The following HSD11B1 variants were observed in gnomAD, a reference collection of about 807,000 sequenced individuals.
HSD11B1 encodes 11-beta-hydroxysteroid dehydrogenase 1.
Under a neutral mutation model 22.1 loss-of-function variants are expected in HSD11B1, and 15 were observed. The ratio of observed to expected loss-of-function variants is 0.68; its 90% CI spans 0.45 to 1.04. The LOEUF (loss-of-function observed/expected upper bound fraction) is 1.04. Ranked by LOEUF, HSD11B1 falls within the 50% of genes least tolerant of loss-of-function variation. The pLI is 0.00. For missense variants in HSD11B1, 281 were observed against 357.6 expected, an observed-to-expected ratio of 0.79 and a Z score of 1.73; for synonymous variants, 122 against 125.2, an observed-to-expected ratio of 0.97 and a Z score of 0.17.
At chr1:209,694,505 A>C (rs138651693) in intron 1 of HSD11B1, among the ~76,000 whole-genome samples, 6 of 152,344 alleles carry the variant, frequency 3.9e-5, no homozygotes, top group Non-Finnish European at 7.4e-5. Context: ...CAGTACCTGA[A>C]TGATAAGGAA....
chr1:209,714,957 A>C (rs781038214), intron 4 of HSD11B1, among the ~76,000 whole-genome samples: 2 of 152,172 alleles, frequency 1.3e-5, no homozygotes, highest in Non-Finnish European at 2.9e-5. Flanking sequence ...GGCACCTGGC[A>C]CAGGGCATCA....
intron 4 of HSD11B1, among the ~76,000 whole-genome samples, chr1:209,708,531 C>G (rs894367406): frequency 6.6e-6 from 1 of 152,142 alleles, no homozygotes; most frequent in Non-Finnish European, 1.5e-5. Flanking sequence ...CAGACACAGA[C>G]TCTCTCTGGG....
intron 1 of HSD11B1, among the ~76,000 whole-genome samples, chr1:209,686,963 A>G (rs1376144755): frequency 7.2e-5 from 11 of 152,190 alleles, no homozygotes; most frequent in Admixed American, 7.2e-4. Context: ...TGAGCCCTAA[A>G]CGGGCCTTTT....
chr1:209,716,211 T>C (rs1383112036), intron 4 of HSD11B1, among the ~76,000 whole-genome samples: 1 of 151,978 alleles, frequency 6.6e-6, no homozygotes, highest in African/African-American at 2.4e-5. Context: ...AAAACTCTTA[T>C]AACTGATAAA....
intron 1 of HSD11B1, among the ~76,000 whole-genome samples, chr1:209,698,054 G>C (rs1421077515): frequency 2.6e-5 from 4 of 151,626 alleles, no homozygotes; most frequent in Admixed American, 1.3e-4. Flanking sequence ...GTGTAAGTAT[G>C]TTCCTTTCAA....
intron 4 of HSD11B1, among the ~76,000 whole-genome samples, chr1:209,715,660 A>G (rs1269002132): frequency 1.3e-5 from 2 of 152,264 alleles, no homozygotes; most frequent in African/African-American, 4.8e-5. Context: ...ACCCATTGCA[A>G]CAATAGGAAA....
intron 1 of HSD11B1, among the ~76,000 whole-genome samples, chr1:209,693,035 A>T (rs1471836683): frequency 1.3e-5 from 2 of 152,128 alleles, no homozygotes; most frequent in Non-Finnish European, 2.9e-5. Context: ...TGGACTGCTG[A>T]CGGCATTGCC....
rs767846488 is a variant in HSD11B1, at chr1:209,704,917, G to A, written c.-26G>A. On this transcript the variant is annotated 5_prime_UTR_variant, in exon 1 of 6. Coordinates refer to ENST00000367027, the MANE Select transcript of HSD11B1 (RefSeq NM_005525.4). ...TAGGTTCTCTCTGTGTGTCCTACAG[G>A]AGTCTTCAGGCCAGCTCCCTGTCGG... The A allele has an allele frequency of 1.9e-6, 3 of 1,579,196 alleles. No homozygotes were observed. Among genetic ancestry groups the A allele is most frequent in the Admixed American group, 1.7e-5 (1 of 59,962 alleles).
In HSD11B1 at chr1:209,720,361, A is replaced by G. The variant is rs576203467; in HGVS notation, c.518-12075A>G. Among the ~76,000 whole-genome samples the G allele has an allele frequency of 8.5e-5, 13 of 152,250 alleles. No individual in the cohort carries two copies. In the East Asian group the frequency reaches 2.1e-3, roughly 25 times the overall value. Reference sequence around the variant, plus strand: ...ATCAAATCATGAGGAAACACCGGATAAATCCAAACTGAGGGACATCCATCA... The same window carrying G: ...ATCAAATCATGAGGAAACACCGGATGAATCCAAACTGAGGGACATCCATCA... On this transcript the variant is annotated intron_variant, in intron 4 of 5. Coordinates refer to ENST00000367027, the MANE Select transcript of HSD11B1 (RefSeq NM_005525.4).
intron 1 of HSD11B1, among the ~76,000 whole-genome samples, chr1:209,697,807 T>G: frequency 6.6e-6 from 1 of 151,116 alleles, no homozygotes; most frequent in South Asian, 2.1e-4. Context: ...CTTCTAAGCT[T>G]TTCAAATTAA....
chr1:209,687,895 G>A (rs1484922229), intron 1 of HSD11B1, among the ~76,000 whole-genome samples: 1 of 152,176 alleles, frequency 6.6e-6, no homozygotes, highest in African/African-American at 2.4e-5. Flanking sequence ...AAGATTTGAG[G>A]CAGATTTGTC....
rs760969615 is a variant in HSD11B1, at chr1:209,732,588, A to C, written c.661+9A>C. On this transcript the variant is annotated intron_variant, in intron 5 of 5. Transcript: ENST00000367027. ...TGGCCTCATAGACACAGGTAAGGTC[A>C]ATACTTTGTGTTTTTTTTTAATTAT... The C allele has an allele frequency of 6.2e-7, 1 of 1,610,994 alleles. No individual in the cohort carries two copies. Among genetic ancestry groups the C allele is most frequent in the Non-Finnish European group, 8.5e-7 (1 of 1,177,396 alleles).
chr1:209,695,469 G>T (rs1273063403), intron 1 of HSD11B1, among the ~76,000 whole-genome samples: 2 of 152,288 alleles, frequency 1.3e-5, no homozygotes, highest in Non-Finnish European at 1.5e-5. Context: ...AATGGGAAAT[G>T]GTGAGTAAAA....
chr1:209,722,761 C>A (rs2076974421), intron 4 of HSD11B1, among the ~76,000 whole-genome samples: 1 of 152,182 alleles, frequency 6.6e-6, no homozygotes, highest in Non-Finnish European at 1.5e-5. Context: ...TGGGCTCATT[C>A]ATTTGCCTGG....
In HSD11B1 at chr1:209,705,909, G is replaced by A. The variant is rs764080646; in HGVS notation, c.187G>A (p.Val63Met). 6.2e-7 allele frequency: 1 copy of A among 1,614,028 alleles called. No individual in the cohort carries two copies. Residue 63 changes from valine to methionine, a missense_variant, in exon 2 of 6, where the codon GTG becomes ATG. By Grantham distance (21) the Val-to-Met change is conservative. Coordinates refer to ENST00000367027, the MANE Select transcript of HSD11B1 (RefSeq NM_005525.4). ...HLAKMGAHVV[V>M]TARSKETLQK... ...GGCGAAGATGGGAGCCCATGTGGTG[G>A]TGACAGCGAGGTCAAAAGAAACTCT...
At chr1:209,694,805 A>G (rs755280049) in intron 1 of HSD11B1, among the ~76,000 whole-genome samples, 4 of 152,254 alleles carry the variant, frequency 2.6e-5, no homozygotes, top group Non-Finnish European at 5.9e-5. Context: ...TCTTTTGTGA[A>G]TACCAAATAT....
At chr1:209,719,107 G>A (rs1372424151) in intron 4 of HSD11B1, among the ~76,000 whole-genome samples, 2 of 150,380 alleles carry the variant, frequency 1.3e-5, no homozygotes, top group Non-Finnish European at 3.0e-5. Context: ...AACAGTATTT[G>A]TAATAGCAAA....
upstream of HSD11B1, among the ~76,000 whole-genome samples, chr1:209,703,393 T>G (rs1310421494): frequency 6.6e-6 from 1 of 152,210 alleles, no homozygotes; most frequent in Non-Finnish European, 1.5e-5. Context: ...CATAAATATA[T>G]TTATAAAATT....
intron 4 of HSD11B1, among the ~76,000 whole-genome samples, chr1:209,728,113 C>G (rs2077014720): frequency 6.6e-6 from 1 of 152,214 alleles, no homozygotes; most frequent in Non-Finnish European, 1.5e-5. Context: ...TTTATATATT[C>G]CAACCTATTT....
Sources: allele counts gnomAD v4.1 joint callset (sites outside exome capture counted in the v4.1 genomes callset), GRCh38; gene constraint gnomAD v4.1.1; transcripts MANE v1.5; gene names NCBI Gene and HGNC (gene_info 2026-07-23, HGNC 2026-07-21).